Variants in GSE1 observed in about 807,000 individuals in gnomAD.
GSE1 encodes Gse1 coiled-coil protein.
Under a neutral mutation model 112.6 loss-of-function variants are expected in GSE1, and 32 were observed. The observed-to-expected ratio is 0.28, with a 90% CI of 0.21 to 0.38. The LOEUF (loss-of-function observed/expected upper bound fraction) is 0.38. Ranked by LOEUF, GSE1 falls within the 10% of genes least tolerant of loss-of-function variation. GSE1 has a pLI of 1.00. For synonymous variants in GSE1, 1,115 were observed against 735.6 expected (o/e 1.52, Z -8.35); for missense variants, 2,348 against 1,699.2 (o/e 1.38, Z -6.71).
chr16:85,192,699 C>A (rs1222146293), intron 1 of GSE1, among the ~76,000 whole-genome samples: 3 of 152,326 alleles, frequency 2.0e-5, no homozygotes, highest in African/African-American at 7.2e-5. Flanking sequence ...GCCTCCTCGC[C>A]AGCTTCAGCA....
At chr16:85,472,965 G>A (rs1168638704) in intron 2 of GSE1, among the ~76,000 whole-genome samples, 1 of 152,244 alleles carries the variant, frequency 6.6e-6, no homozygotes, top group South Asian at 2.1e-4. Context: ...TTTGGCCCAA[G>A]CCCACTGGGC....
chr16:85,450,004 C>T (rs577511844), intron 2 of GSE1, among the ~76,000 whole-genome samples: 4 of 152,266 alleles, frequency 2.6e-5, no homozygotes, highest in East Asian at 3.9e-4. Flanking sequence ...CTTCTGTCTT[C>T]AGCCCCTTGG....
In GSE1 at chr16:85,210,758, C is replaced by A. The variant is rs564763430; in HGVS notation, c.2283+38951C>A. Among the ~76,000 whole-genome samples the A allele has an allele frequency of 6.3e-4, 96 of 152,298 alleles. No individual in the cohort carries two copies. The South Asian group carries it at 8.1e-3, about 13-fold the overall frequency. On this transcript the variant is annotated intron_variant, in intron 1 of 2. Coordinates refer to the GSE1 transcript ENST00000637419. ...TAGGTGACGGGGGTGCCACCCGCTG[C>A]CCATTGAAACATCCTTTAATGTTGT...
At chr16:85,322,013 TC>T (rs1183733039) in intron 1 of GSE1, among the ~76,000 whole-genome samples, 3 of 152,166 alleles carry the variant, frequency 2.0e-5, no homozygotes, top group African/African-American at 4.8e-5. Flanking sequence ...CCGCGGCTCC[TC>T]CCTGCCTGGG....
chr16:85,613,537 G>C (rs2048141738), intron 1 of GSE1, 139 bp downstream of exon 1: 1 of 813,272 alleles, frequency 1.2e-6, no homozygotes, highest in Non-Finnish European at 1.9e-6. Context: ...GCGGCGATAA[G>C]AGCCGGGAGG....
chr16:85,462,549 C>T (rs970903313), intron 2 of GSE1, among the ~76,000 whole-genome samples: 2 of 151,910 alleles, frequency 1.3e-5, no homozygotes, highest in Middle Eastern at 3.2e-3. Flanking sequence ...ACTTGATGCT[C>T]GGCACTTGAA....
exon 1 of GSE1, chr16:85,170,742 G>A (rs2143113505): frequency 3.0e-6 from 3 of 985,474 alleles, no homozygotes; most frequent in Non-Finnish European, 2.4e-6. Context: ...TGCACAGCCC[G>A]CCCCCAGGGG....
chr16:85,416,627 G>A (rs1294200342), intron 2 of GSE1, among the ~76,000 whole-genome samples: 1 of 152,246 alleles, frequency 6.6e-6, no homozygotes, highest in African/African-American at 2.4e-5. Context: ...CATTTCAGCA[G>A]CCCTGCAGGT....
chr16:85,552,226 C>T (rs1199639729), upstream of GSE1, among the ~76,000 whole-genome samples: 3 of 151,758 alleles, frequency 2.0e-5, no homozygotes, highest in Non-Finnish European at 2.9e-5. Flanking sequence ...GGGGTTTCAC[C>T]GTGCTAGCCA....
chr16:85,574,200 G>A (rs1045973442), intron 1 of GSE1, among the ~76,000 whole-genome samples: 32 of 152,218 alleles, frequency 2.1e-4, no homozygotes, highest in Admixed American at 1.8e-3. Flanking sequence ...ATTGAGGGCC[G>A]GCCGTGGAAG....
In GSE1 at chr16:85,465,232, C is replaced by T. The variant is rs115580531; in HGVS notation, c.2464+107589C>T. ...CCTGGGCTCCTCCATGGGCTGCCCC[C>T]GCCCACCTGGAGCTCCTGCCTCCCC... On this transcript the variant is annotated intron_variant, in intron 2 of 2. Transcript: ENST00000637419. Among the ~76,000 whole-genome samples the T allele has an allele frequency of 3.1e-3, 470 of 152,346 alleles. 8 individuals are homozygous for T. The highest frequency in any genetic ancestry group is 0.028 in the Admixed American group (434 of 15,312).
chr16:85,609,139 C>T (rs1278440158), upstream of GSE1, among the ~76,000 whole-genome samples: 2 of 152,246 alleles, frequency 1.3e-5, no homozygotes, highest in Admixed American at 1.3e-4. Context: ...GTGGTCTGTG[C>T]TGTCATCCTG....
intron 2 of GSE1, among the ~76,000 whole-genome samples, chr16:85,516,732 T>A (rs1453784334): frequency 1.3e-5 from 2 of 151,950 alleles, no homozygotes; most frequent in East Asian, 3.9e-4. Context: ...CCAGGTGGTA[T>A]TCGTAGCGTT....
chr16:85,324,897 A>G (rs570599066), intron 1 of GSE1, among the ~76,000 whole-genome samples: 1 of 152,304 alleles, frequency 6.6e-6, no homozygotes, highest in East Asian at 1.9e-4. Flanking sequence ...GTGAAATGTA[A>G]AAAGCACTGA....
chr16:85,548,621 C>T (rs906961031), intron 2 of GSE1, among the ~76,000 whole-genome samples: 7 of 152,140 alleles, frequency 4.6e-5, no homozygotes, highest in Admixed American at 2.0e-4. Context: ...CGTGTAGGTA[C>T]CACATTCTCT....
At chr16:85,189,193 T>G (rs1468725500) in intron 1 of GSE1, among the ~76,000 whole-genome samples, 1 of 152,252 alleles carries the variant, frequency 6.6e-6, no homozygotes, top group Non-Finnish European at 1.5e-5. Context: ...AGCTGAAGTT[T>G]CTCTTCCCTC....
intron 2 of GSE1, among the ~76,000 whole-genome samples, chr16:85,410,846 C>T (rs111789992): frequency 4.1e-5 from 3 of 73,994 alleles, no homozygotes; most frequent in Admixed American, 1.4e-4. Flanking sequence ...CTGTTACTCT[C>T]AGGCCCCCCG....
At chr16:85,327,314 G>T (rs1310558100) in intron 1 of GSE1, among the ~76,000 whole-genome samples, 3 of 152,204 alleles carry the variant, frequency 2.0e-5, no homozygotes, top group African/African-American at 7.2e-5. Flanking sequence ...AAACTGGAAG[G>T]TTCTAAGGCC....
chr16:85,178,275 C>A (rs2074508631), intron 1 of GSE1, among the ~76,000 whole-genome samples: 1 of 152,056 alleles, frequency 6.6e-6, no homozygotes, highest in Admixed American at 6.5e-5. Context: ...CGTGTAGGGG[C>A]CATGTGCTCC....
Sources: gnomAD v4.1 joint callset for allele counts (sites outside exome capture counted in the v4.1 genomes callset) on GRCh38, gnomAD v4.1.1 for gene constraint, MANE v1.5 for transcripts, NCBI Gene and HGNC (gene_info 2026-07-23, HGNC 2026-07-21) for gene names.